AMMECR1: variants seen among roughly 807,000 people sequenced by gnomAD.
AMMECR1 encodes nuclear protein AMMECR1.
Under a neutral mutation model 22.5 loss-of-function variants are expected in AMMECR1, and 3 were observed. That is an observed-to-expected ratio of 0.13 (90% CI 0.06 to 0.35). The LOEUF is 0.35. AMMECR1 is among the 10% of genes least tolerant of loss of function. The probability of loss-of-function intolerance (pLI) is 1.00; values close to 1 mark genes in which losing one functional copy is unlikely to be tolerated. For missense variants in AMMECR1, 235 were observed against 278.7 expected, an observed-to-expected ratio of 0.84 and a Z score of 1.12; for synonymous variants, 130 against 116.7, an observed-to-expected ratio of 1.11 and a Z score of -0.74.
rs1441675415 is a variant in AMMECR1, at chrX:110,261,323, C to A, written c.584+3166G>T. The stretch of plus-strand genomic sequence containing the variant: ...TGAATTTTTAAAAAGATGCCTATAC[C>A]TAGAATGCCTTTAATTTCACTGCTT... On this transcript the variant is annotated intron_variant, in intron 2 of 5. Transcript: ENST00000262844. 4.5e-5 allele frequency among the ~76,000 whole-genome samples: 5 copies of A among 111,521 alleles called. No homozygotes were observed. The East Asian group carries it at 1.4e-3, about 31-fold the overall frequency.
At chrX:110,225,094 T>C in intron 2 of AMMECR1, 1 of 365,153 alleles carries the variant, frequency 2.7e-6, no homozygotes, top group Non-Finnish European at 5.3e-6. Context: ...TTCTTATCAC[T>C]AAAAAAAGTT....
chrX:110,282,898 C>T (rs377065375), intron 1 of AMMECR1, among the ~76,000 whole-genome samples: 24 of 111,703 alleles, frequency 2.1e-4, no homozygotes, highest in African/African-American at 7.5e-4. Flanking sequence ...GATTGGTTTA[C>T]TTGCCCAAGA....
At chrX:110,370,417 C>A (rs954279405) in intron 2 of AMMECR1, among the ~76,000 whole-genome samples, 6 of 111,057 alleles carry the variant, frequency 5.4e-5, no homozygotes, top group African/African-American at 2.0e-4. Flanking sequence ...CCATGTTGGC[C>A]AGGCTGGTCA....
At chrX:110,289,693 C>T (rs2067898203) in intron 1 of AMMECR1, among the ~76,000 whole-genome samples, 3 of 111,899 alleles carry the variant, frequency 2.7e-5, no homozygotes, top group South Asian at 3.7e-4. Flanking sequence ...CTATTTTATT[C>T]GTTAAATTCC....
intron 2 of AMMECR1, among the ~76,000 whole-genome samples, chrX:110,389,775 C>T (rs1455776895): frequency 3.7e-5 from 4 of 107,973 alleles, no homozygotes; most frequent in East Asian, 5.7e-4. Flanking sequence ...GGAGGAAAGG[C>T]GGGGCAGGGA....
intron 2 of AMMECR1, among the ~76,000 whole-genome samples, chrX:110,406,817 T>C (rs1014200725): frequency 8.9e-6 from 1 of 112,327 alleles, no homozygotes; most frequent in Non-Finnish European, 1.9e-5. Flanking sequence ...GTGTGCTCCA[T>C]AAATATTGAC....
chrX:110,271,837 A>G (rs1272771740), intron 1 of AMMECR1, among the ~76,000 whole-genome samples: 2 of 111,844 alleles, frequency 1.8e-5, no homozygotes, highest in Non-Finnish European at 3.8e-5. Flanking sequence ...ATAGATTTCA[A>G]AAATGAAGTA....
intron 1 of AMMECR1, among the ~76,000 whole-genome samples, chrX:110,284,927 T>C (rs1192486430): frequency 8.9e-6 from 1 of 111,817 alleles, no homozygotes; most frequent in Non-Finnish European, 1.9e-5. Flanking sequence ...GAGCTCTTCA[T>C]ATCCTTTAGG....
rs1443370428 is a variant in AMMECR1 at position 110,195,378 on chromosome X, A to T, written c.*3142T>A. ...CAGAAGGCCACTTGAGGGGTGGGGG[A>T]CAATTTGTTCTTTTAGAATCTGGTA... On this transcript the variant is annotated 3_prime_UTR_variant, in exon 6 of 6. Transcript: ENST00000262844. 9.0e-6 allele frequency: 1 copy of T among 111,503 alleles called. No homozygotes were observed. Among genetic ancestry groups the T allele is most frequent in the African/African-American group, 3.3e-5 (1 of 30,660 alleles). 9.2% of individuals were successfully genotyped at this position (111,503 alleles called of 1,213,427 possible). A position where few individuals can be genotyped will look rare whatever the true frequency, so the allele number is the denominator to read the frequency against.
chrX:110,287,202 T>C (rs1190551522), intron 1 of AMMECR1, among the ~76,000 whole-genome samples: 2 of 112,253 alleles, frequency 1.8e-5, no homozygotes, highest in African/African-American at 6.5e-5. Context: ...TACCTTTCCA[T>C]ACAGAAACAT....
At chrX:110,385,423 T>C (rs2148279708) in intron 2 of AMMECR1, among the ~76,000 whole-genome samples, 1 of 111,300 alleles carries the variant, frequency 9.0e-6, no homozygotes, top group Admixed American at 9.5e-5. Flanking sequence ...TTTCACAGAG[T>C]TGTGCAACCA....
At chrX:110,224,752 GGA>G (rs2067523333) in intron 2 of AMMECR1, among the ~76,000 whole-genome samples, 1 of 110,733 alleles carries the variant, frequency 9.0e-6, no homozygotes, top group African/African-American at 3.3e-5. Context: ...CATGTTTGAT[GGA>G]TTTAGATATA....
chrX:110,336,552 A>G (rs767505990), intron 2 of AMMECR1, among the ~76,000 whole-genome samples: 8 of 109,979 alleles, frequency 7.3e-5, no homozygotes, highest in Non-Finnish European at 1.1e-4. Flanking sequence ...AACAAAACAA[A>G]AAAACAAAAA....
chrX:110,416,534 G>T (rs1245780866), intron 2 of AMMECR1, among the ~76,000 whole-genome samples: 1 of 111,080 alleles, frequency 9.0e-6, no homozygotes, highest in Non-Finnish European at 1.9e-5. Context: ...CAGAGCTAGA[G>T]TTACAATCCA....
chrX:110,406,060 C>T (rs1401196465), intron 2 of AMMECR1, among the ~76,000 whole-genome samples: 1 of 110,771 alleles, frequency 9.0e-6, no homozygotes. Flanking sequence ...TCCACCTCCA[C>T]CCCCGACTCC....
At position 110,263,229 on chromosome X, in the gene AMMECR1, A is replaced by G. The variant is rs183720325; in HGVS notation, c.584+1260T>C. ...TTATGTCAGAAAAAAAAAATCTAAC[A>G]TGCCTAGACTAGTACTTATATTATC... is the stretch of plus-strand genomic sequence containing the variant. On this transcript the variant is annotated intron_variant, in intron 2 of 5. Transcript: ENST00000262844. Among the ~76,000 whole-genome samples the G allele has an allele frequency of 1.9e-3, 217 of 111,828 alleles. 1 individual carries two copies. Among genetic ancestry groups the G allele is most frequent in the South Asian group, 3.7e-3 (10 of 2,687 alleles).
chrX:110,343,172 G>A (rs1416059930), intron 2 of AMMECR1, among the ~76,000 whole-genome samples: 3 of 112,101 alleles, frequency 2.7e-5, no homozygotes, highest in African/African-American at 9.7e-5. Flanking sequence ...TCCCTGGGAT[G>A]CAAGGATGGT....
chrX:110,366,143 C>T (rs1051304115), intron 2 of AMMECR1, among the ~76,000 whole-genome samples: 1 of 111,577 alleles, frequency 9.0e-6, no homozygotes, highest in Admixed American at 9.5e-5. Flanking sequence ...AAGGTTTTAT[C>T]CTAAAAGTCA....
At chrX:110,233,600 G>A (rs973937549) in intron 2 of AMMECR1, among the ~76,000 whole-genome samples, 14 of 111,915 alleles carry the variant, frequency 1.3e-4, no homozygotes, top group African/African-American at 3.9e-4. Flanking sequence ...CTGGCAAACC[G>A]AATCCAGTAG....
Sources: allele counts gnomAD v4.1 joint callset (sites outside exome capture counted in the v4.1 genomes callset), GRCh38; gene constraint gnomAD v4.1.1; transcripts MANE v1.5; gene names NCBI Gene and HGNC (gene_info 2026-07-23, HGNC 2026-07-21).